MGMT: variants seen among roughly 807,000 people sequenced by gnomAD.
The protein encoded by MGMT is methylated-DNA--protein-cysteine methyltransferase.
Under a neutral mutation model 15.9 loss-of-function variants are expected in MGMT, and 14 were observed. That is an observed-to-expected ratio of 0.88 (90% CI 0.58 to 1.37). The LOEUF is 1.37. Among genes scored for constraint, MGMT ranks in the 40% most tolerant of loss-of-function variants. MGMT has a pLI of 0.00. For synonymous variants in MGMT, 130 were observed against 118.2 expected, an observed-to-expected ratio of 1.10 and a Z score of -0.65; for missense variants, 282 against 268.1, an observed-to-expected ratio of 1.05 and a Z score of -0.36.
At chr10:129,632,703 G>T (rs1847224436) in intron 2 of MGMT, among the ~76,000 whole-genome samples, 1 of 152,122 alleles carries the variant, frequency 6.6e-6, no homozygotes, top group African/African-American at 2.4e-5. Flanking sequence ...GCTGGAGTTT[G>T]GGGGAGAGAG....
At chr10:129,600,531 T>C (rs1846808006) in intron 2 of MGMT, among the ~76,000 whole-genome samples, 1 of 152,232 alleles carries the variant, frequency 6.6e-6, no homozygotes, top group Admixed American at 6.5e-5. Flanking sequence ...TGTGGAGCCA[T>C]TTCTTAAGAG....
chr10:129,502,591 C>T (rs780395505), intron 1 of MGMT, among the ~76,000 whole-genome samples: 2 of 151,854 alleles, frequency 1.3e-5, no homozygotes, highest in Admixed American at 6.6e-5. Context: ...ATATGTGAGT[C>T]GTCTCTCCCT....
At chr10:129,564,786 C>T (rs1445005817) in intron 2 of MGMT, among the ~76,000 whole-genome samples, 1 of 151,270 alleles carries the variant, frequency 6.6e-6, no homozygotes, top group Non-Finnish European at 1.5e-5. Context: ...CTCACACGCC[C>T]CCCTCAGCCT....
At chr10:129,721,744 C>T (rs903054634) in intron 3 of MGMT, among the ~76,000 whole-genome samples, 4 of 151,316 alleles carry the variant, frequency 2.6e-5, no homozygotes, top group Non-Finnish European at 4.4e-5. Context: ...CCTAGAATAC[C>T]AGTAAAAATA....
At chr10:129,623,999 A>G (rs1247763518) in intron 2 of MGMT, among the ~76,000 whole-genome samples, 1 of 152,226 alleles carries the variant, frequency 6.6e-6, no homozygotes, top group Non-Finnish European at 1.5e-5. Flanking sequence ...AGCCCCGTGC[A>G]GGGGTCTTCC....
chr10:129,753,307 T>TTGAATGTGTCCTGTTTGCAG (rs1337761929), intron 3 of MGMT, among the ~76,000 whole-genome samples: 2 of 152,200 alleles, frequency 1.3e-5, no homozygotes, highest in Non-Finnish European at 2.9e-5. Flanking sequence ...ATGGATTTCT[T>TTGAATGTGTCCTGTTTGCAG]TGAATGTGTC....
intron 2 of MGMT, among the ~76,000 whole-genome samples, chr10:129,593,791 A>G (rs547922584): frequency 6.6e-6 from 1 of 152,292 alleles, no homozygotes; most frequent in East Asian, 1.9e-4. Context: ...ACCTTTCCTT[A>G]CAAGGTAGTG....
In MGMT at chr10:129,533,690, C is replaced by T. The variant is rs2119754191; in HGVS notation, c.-12-2551C>T. 6.6e-6 allele frequency among the ~76,000 whole-genome samples: 1 copy of T among 152,172 alleles called. No homozygotes were observed. Among genetic ancestry groups the T allele is most frequent in the South Asian group, 2.1e-4 (1 of 4,816 alleles). On this transcript the variant is annotated intron_variant, in intron 1 of 4. Coordinates refer to ENST00000651593, the MANE Select transcript of MGMT (RefSeq NM_002412.5). This position sits in a 1 kb window ranked among gnomAD's most constrained non-coding sequence, Gnocchi z 4.5. ...TGGTGGTCACACTGGTAATTCAGTT[C>T]CACAAGTATTTTATGAGCCCCTTGT...
intron 2 of MGMT, among the ~76,000 whole-genome samples, chr10:129,631,027 G>T (rs765925320): frequency 6.6e-6 from 1 of 152,144 alleles, no homozygotes; most frequent in Admixed American, 6.6e-5. Flanking sequence ...AAATCTCATC[G>T]GTATCAATAG....
At chr10:129,471,948 T>C (rs2119614141) in intron 1 of MGMT, among the ~76,000 whole-genome samples, 1 of 152,324 alleles carries the variant, frequency 6.6e-6, no homozygotes, top group South Asian at 2.1e-4. Context: ...CCCAACATGT[T>C]ATTATTGCTT....
intron 2 of MGMT, among the ~76,000 whole-genome samples, chr10:129,657,707 G>GCACACACA (rs57838117): frequency 0.05 from 5,593 of 111,434 alleles, 147 homozygotes; most frequent in Middle Eastern, 0.1. Context: ...ACACACACAC[G>GCACACACA]CACACACACA....
At chr10:129,531,269 T>C (rs880301) in intron 1 of MGMT, among the ~76,000 whole-genome samples, 59,057 of 151,940 alleles carry the variant, frequency 0.39, 11,563 homozygotes, top group Non-Finnish European at 0.41. Flanking sequence ...GGAGAGGGTC[T>C]GTTACCCTCA....
At chr10:129,473,233 C>T (rs539061670) in intron 1 of MGMT, among the ~76,000 whole-genome samples, 25 of 152,334 alleles carry the variant, frequency 1.6e-4, no homozygotes, top group Non-Finnish European at 2.6e-4. Context: ...TGAGGGGTAA[C>T]GCAGGTCCGC....
chr10:129,668,725 A>G (rs1447773191), intron 2 of MGMT, among the ~76,000 whole-genome samples: 1 of 152,214 alleles, frequency 6.6e-6, no homozygotes, highest in Non-Finnish European at 1.5e-5. Context: ...CTTGGTTAAG[A>G]CATTTCCATT....
At position 129,659,288 on chromosome 10, in the gene MGMT, C is replaced by T. The variant is rs1450449050; in HGVS notation, c.126-48607C>T. 5.4e-5 allele frequency among the ~76,000 whole-genome samples: 8 copies of T among 149,010 alleles called. No homozygotes were observed. The South Asian group carries it at 1.3e-3, about 23-fold the overall frequency. On this transcript the variant is annotated intron_variant, in intron 2 of 4. Transcript: ENST00000651593. This position sits in a 1 kb window ranked among gnomAD's most constrained non-coding sequence, Gnocchi z 4.1. The stretch of plus-strand genomic sequence containing the variant: ...AGGAGAATTGCTTGAACCTGGGAGG[C>T]GGAGGTTGCAGTGAGCCAAGATCGC...
At chr10:129,530,888 G>A (rs562470839) in intron 1 of MGMT, among the ~76,000 whole-genome samples, 49 of 152,296 alleles carry the variant, frequency 3.2e-4, no homozygotes, top group South Asian at 1.2e-3. Context: ...TCTCTGTGTA[G>A]GTGTCAGTTT....
At chr10:129,471,915 C>A (rs980475965) in intron 1 of MGMT, among the ~76,000 whole-genome samples, 1 of 152,156 alleles carries the variant, frequency 6.6e-6, no homozygotes, top group Non-Finnish European at 1.5e-5. Flanking sequence ...TCCTGAGAGA[C>A]GTGAATCTCT....
At chr10:129,581,284 G>A (rs1846552810) in intron 2 of MGMT, among the ~76,000 whole-genome samples, 1 of 152,108 alleles carries the variant, frequency 6.6e-6, no homozygotes, top group Admixed American at 6.5e-5. Flanking sequence ...TGGCGTGACT[G>A]GGCTGCTTAC....
At chr10:129,669,197 GCAATT>G (rs1353698433) in intron 2 of MGMT, among the ~76,000 whole-genome samples, 1 of 151,868 alleles carries the variant, frequency 6.6e-6, no homozygotes, top group Non-Finnish European at 1.5e-5. Context: ...TTGTTTTACT[GCAATT>G]TTTTTTTGTT....
Sources: allele counts gnomAD v4.1 joint callset (sites outside exome capture counted in the v4.1 genomes callset), GRCh38; gene constraint gnomAD v4.1.1; non-coding constraint Gnocchi (gnomAD v3.1); transcripts MANE v1.5; gene names NCBI Gene and HGNC (gene_info 2026-07-23, HGNC 2026-07-21).